MYO9B: variants seen among roughly 807,000 people sequenced by gnomAD.
The protein encoded by MYO9B is unconventional myosin-IXb.
A neutral mutation model predicts 229.5 loss-of-function variants in MYO9B; 71 were observed. That is an observed-to-expected ratio of 0.31 (90% CI 0.26 to 0.38). The LOEUF is 0.38. Among genes scored for constraint, MYO9B ranks in the 10% least tolerant of loss-of-function variants. The pLI, the probability that MYO9B is intolerant of heterozygous loss-of-function variation, is 1.00. For synonymous variants in MYO9B, 1,185 were observed against 1,235.8 expected (o/e 0.96, Z 0.86); for missense variants, 2,255 against 2,920.5 (o/e 0.77, Z 5.25).
chr19:17,126,818 C>T (rs1198479353), intron 2 of MYO9B, among the ~76,000 whole-genome samples: 5 of 151,612 alleles, frequency 3.3e-5, no homozygotes, highest in Middle Eastern at 3.4e-3. Flanking sequence ...CGCCCACCAC[C>T]ATGCCCGGCT....
chr19:17,125,842 A>C (rs1355033422), intron 2 of MYO9B, among the ~76,000 whole-genome samples: 1 of 152,192 alleles, frequency 6.6e-6, no homozygotes, highest in African/African-American at 2.4e-5. Context: ...CAGCTAGGCT[A>C]GGGGCCCTGG....
In MYO9B at chr19:17,193,121, CAAAT is replaced by C; in HGVS notation, c.3128+60_3128+63del. The C allele has an allele frequency of 7.1e-7, 1 of 1,410,682 alleles. No individual in the cohort carries two copies. The highest frequency in any genetic ancestry group is 1.5e-5 in the South Asian group (1 of 66,046). 87.4% of individuals were successfully genotyped at this position (1,410,682 alleles called of 1,614,324 possible). A position where few individuals can be genotyped will look rare whatever the true frequency, so the allele number is the denominator to read the frequency against. On this transcript the variant is annotated intron_variant, in intron 21 of 39. Transcript: ENST00000682292. This position sits in a 1 kb window ranked among gnomAD's most constrained non-coding sequence, Gnocchi z 4.3. ...TCCAGAAGCCAAAAAGGTCACTCACCAAATTGCTGCCCGTGATATACCATCTGGC... is the reference window on the plus strand; with the variant it reads ...TCCAGAAGCCAAAAAGGTCACTCACCTGCTGCCCGTGATATACCATCTGGC...
At chr19:17,180,094 A>G (rs1265216255) in intron 14 of MYO9B, among the ~76,000 whole-genome samples, 1 of 150,710 alleles carries the variant, frequency 6.6e-6, no homozygotes, top group Non-Finnish European at 1.5e-5. Flanking sequence ...TTAGCCGGGC[A>G]TGGTGGTGCA....
At chr19:17,162,875 A>AAGTGTG in intron 9 of MYO9B, 113 bp from the exon 10 acceptor site, 1 of 1,199,248 alleles carries the variant, frequency 8.3e-7, no homozygotes, top group South Asian at 1.5e-5. Context: ...TCTGCCGAGC[A>AAGTGTG]ACAGGGACTG....
At position 17,201,931 on chromosome 19, in the gene MYO9B, T is replaced by C; in HGVS notation, c.4569T>C (p.Asn1523=). 1 of 1,611,898 alleles carries C rather than the reference T, an allele frequency of 6.2e-7. No individual in the cohort carries two copies. The change falls in exon 27 of 40, where the codon AAT becomes AAC. Residue 1523 remains asparagine (N), a synonymous_variant. Coordinates refer to ENST00000682292, the MANE Select transcript of MYO9B (RefSeq NM_004145.4). The stretch of plus-strand genomic sequence containing the variant: ...CAGTTCCTCTCCCCTTCCAGATAAA[T>C]GACCTCCGTTCCCAGAAGACGCCCA... ...YLDEFLLNKI[N]DLRSQKTPIE...
intron 1 of MYO9B, among the ~76,000 whole-genome samples, chr19:17,100,541 G>T (rs2057735074): frequency 6.6e-6 from 1 of 152,134 alleles, no homozygotes; most frequent in South Asian, 2.1e-4. Flanking sequence ...TTCCTGGTGT[G>T]CTTCTGGTGT....
chr19:17,119,205 C>T (rs1482327760), intron 2 of MYO9B, among the ~76,000 whole-genome samples: 2 of 152,212 alleles, frequency 1.3e-5, no homozygotes, highest in Non-Finnish European at 2.9e-5. Context: ...AATACTCTTG[C>T]CACCATCATC....
chr19:17,195,287 A>G lies in MYO9B; in HGVS notation c.3860A>G (p.Lys1287Arg). 1 of 1,612,336 alleles carries G rather than the reference A, an allele frequency of 6.2e-7. No individual in the cohort carries two copies. Among genetic ancestry groups the G allele is most frequent in the Non-Finnish European group, 8.5e-7 (1 of 1,179,708 alleles). Residue 1287 changes from lysine (K) to arginine (R), a missense_variant, in exon 22 of 40, where the codon AAG (lysine) becomes AGG (arginine). Coordinates refer to ENST00000682292, the MANE Select transcript of MYO9B (RefSeq NM_004145.4). The surrounding 1 kb of genome is among the most constrained non-coding windows in gnomAD (Gnocchi z 4.5). Reference sequence around the variant, plus strand: ...TGTGGCAGCCCAAGGGTTCAGGAAAAGCCCGACAGCCCCGGAGGCTCCACG... The same window carrying G: ...TGTGGCAGCCCAAGGGTTCAGGAAAGGCCCGACAGCCCCGGAGGCTCCACG... ...KPCGSPRVQEKPDSPGGSTQI... is the reference protein window; with the variant it reads ...KPCGSPRVQERPDSPGGSTQI...
chr19:17,155,275 C>G (rs1018751746), intron 6 of MYO9B, among the ~76,000 whole-genome samples: 3 of 151,904 alleles, frequency 2.0e-5, no homozygotes, highest in African/African-American at 7.2e-5. Flanking sequence ...GCAGCCTCGA[C>G]CTCCCCTGGT....
At chr19:17,128,687 G>A (rs1400783169) in intron 2 of MYO9B, among the ~76,000 whole-genome samples, 1 of 152,254 alleles carries the variant, frequency 6.6e-6, no homozygotes, top group African/African-American at 2.4e-5. Flanking sequence ...GTCCCCAGGT[G>A]GGCGTCACCT....
chr19:17,183,546 G>A (rs895607419), intron 15 of MYO9B, among the ~76,000 whole-genome samples: 2 of 152,134 alleles, frequency 1.3e-5, no homozygotes, highest in African/African-American at 2.4e-5. Context: ...TCAGACATCC[G>A]AATGGCCCCC....
intron 2 of MYO9B, among the ~76,000 whole-genome samples, chr19:17,135,000 G>C (rs1447862246): frequency 6.6e-6 from 1 of 152,010 alleles, no homozygotes; most frequent in Non-Finnish European, 1.5e-5. Flanking sequence ...CTGACCTCAA[G>C]TGATCTGCCC....
In MYO9B at chr19:17,174,727, G is replaced by A. The variant is rs1264311237; in HGVS notation, c.2141-936G>A. On this transcript the variant is annotated intron_variant, in intron 13 of 39. Coordinates refer to ENST00000682292, the MANE Select transcript of MYO9B (RefSeq NM_004145.4). ...AGGTGGGTGGACCACGAGGTCAGGC[G>A]GTTGAGACCAGCCTGGCCAACATAG... Among the ~76,000 whole-genome samples, 3 of 151,940 alleles carry A rather than the reference G, an allele frequency of 2.0e-5. No individual in the cohort carries two copies. The South Asian group carries it at 6.2e-4, about 31-fold the overall frequency.
In MYO9B at chr19:17,210,325, T is replaced by A. The variant is rs756492184; in HGVS notation, c.5749-8T>A. The A allele has an allele frequency of 5.6e-6, 9 of 1,593,804 alleles. No individual in the cohort carries two copies. Among genetic ancestry groups the A allele is most frequent in the Non-Finnish European group, 7.7e-6 (9 of 1,169,778 alleles). ...CGTGTGGTCACCCTGTGTTCATCTC[T>A]CTCCCAGCCATGGCCTCTCAAACTG... On this transcript the variant is annotated splice_region_variant and splice_polypyrimidine_tract_variant and intron_variant, in intron 36 of 39. Coordinates refer to ENST00000682292, the MANE Select transcript of MYO9B (RefSeq NM_004145.4).
chr19:17,129,682 A>G (rs2072170617), intron 2 of MYO9B, among the ~76,000 whole-genome samples: 1 of 152,220 alleles, frequency 6.6e-6, no homozygotes, highest in Non-Finnish European at 1.5e-5. Context: ...TCTTAAAGGA[A>G]TGCGAGTTGA....
At chr19:17,142,321 G>A in intron 2 of MYO9B, among the ~76,000 whole-genome samples, 1 of 152,074 alleles carries the variant, frequency 6.6e-6, no homozygotes, top group East Asian at 1.9e-4. Context: ...AAATGGGGAG[G>A]GACTGCTGAT....
chr19:17,194,944 AGT>A lies in MYO9B; in HGVS notation c.3519_3520del (p.Ala1174ProfsTer27), dbSNP rs2145459331. ...ACACATCCAGTCCTGCAAGGAGGAG[AGT>A]GCCCTCAGAGAACCTTCCAGAAGGG... ...NKHIQSCKEE[S>X]ALREPSRRVT... On this transcript the variant is annotated frameshift_variant, in exon 22 of 40. Transcript: ENST00000682292. LOFTEE classifies it high-confidence loss of function. The A allele has an allele frequency of 6.2e-7, 1 of 1,613,398 alleles. No individual in the cohort carries two copies. The highest frequency in any genetic ancestry group is 8.5e-7 in the Non-Finnish European group (1 of 1,179,884).
intron 32 of MYO9B, 23 bp from the exon 33 acceptor site, chr19:17,206,225 G>GCGCC: frequency 1.3e-6 from 2 of 1,564,668 alleles, no homozygotes; most frequent in Non-Finnish European, 1.7e-6. Flanking sequence ...CCGCTCACCA[G>GCGCC]ACCCACCCCA....
chr19:17,122,754 G>A (rs2145132751), intron 2 of MYO9B, among the ~76,000 whole-genome samples: 1 of 152,280 alleles, frequency 6.6e-6, no homozygotes, highest in South Asian at 2.1e-4. Flanking sequence ...AACCATGGTG[G>A]ACAGAGCCTT....
Sources: allele counts gnomAD v4.1 joint callset (sites outside exome capture counted in the v4.1 genomes callset), GRCh38; gene constraint gnomAD v4.1.1; non-coding constraint Gnocchi (gnomAD v3.1); transcripts MANE v1.5; gene names NCBI Gene and HGNC (gene_info 2026-07-23, HGNC 2026-07-21).